CPM: variants seen among roughly 807,000 people sequenced by gnomAD.
CPM encodes the protein renal carboxypeptidase.
Under a neutral mutation model 46.4 loss-of-function variants are expected in CPM, and 35 were observed. The ratio of observed to expected loss-of-function variants is 0.75; its 90% CI spans 0.58 to 1.00. The LOEUF (loss-of-function observed/expected upper bound fraction) is 1.00, where lower values mean the gene tolerates loss of function less well. Among genes scored for constraint, CPM ranks in the 50% least tolerant of loss-of-function variants. The pLI is 0.00. For missense variants in CPM, 422 were observed against 530.4 expected (o/e 0.80, Z 2.01); for synonymous variants, 195 against 195.3 (o/e 1.00, Z 0.01).
chr12:68,943,618 A>G (rs993671664), intron 1 of CPM, among the ~76,000 whole-genome samples: 7 of 152,200 alleles, frequency 4.6e-5, no homozygotes, highest in Middle Eastern at 3.2e-3. Context: ...AGTGCAAAAT[A>G]ATGCTTACTT....
At position 68,856,763 on chromosome 12, in the gene CPM, A is replaced by C. The variant is rs558411651; in HGVS notation, c.1090-84T>G. The C allele has an allele frequency of 4.3e-5, 66 of 1,530,980 alleles. No individual in the cohort carries two copies. The Middle Eastern group carries it at 8.8e-4, about 20-fold the overall frequency. The allele number at this position is 1,530,980 out of a possible 1,614,324, so 94.8% of individuals were successfully genotyped here. The stretch of plus-strand genomic sequence containing the variant: ...CTGAAAACACTGATATCCATCACTA[A>C]AATGCAGCCTTTGTGCAATGCATGT... On this transcript the variant is annotated intron_variant, in intron 8 of 8. Coordinates refer to ENST00000551568, the MANE Select transcript of CPM (RefSeq NM_198320.5).
At chr12:68,859,282 G>C (rs544745701) in intron 7 of CPM, among the ~76,000 whole-genome samples, 3 of 152,078 alleles carry the variant, frequency 2.0e-5, no homozygotes, top group Admixed American at 1.3e-4. Flanking sequence ...AAATTTGTTC[G>C]TTGTTGAATA....
chr12:68,940,069 TTTC>T (rs1306767593), intron 1 of CPM, among the ~76,000 whole-genome samples: 1 of 151,774 alleles, frequency 6.6e-6, no homozygotes, highest in Non-Finnish European at 1.5e-5. Flanking sequence ...TAATTTATAT[TTTC>T]TTCTATTTTT....
At chr12:68,905,534 C>A (rs186321268) in intron 2 of CPM, among the ~76,000 whole-genome samples, 3 of 152,156 alleles carry the variant, frequency 2.0e-5, no homozygotes, top group Admixed American at 2.0e-4. Flanking sequence ...ACTCGCCTCA[C>A]CCTCCCAAAA....
chr12:68,864,498 T>C (rs1190423661), intron 7 of CPM, among the ~76,000 whole-genome samples: 1 of 152,176 alleles, frequency 6.6e-6, no homozygotes, highest in African/African-American at 2.4e-5. Flanking sequence ...TTCCAAATTA[T>C]TAAAAATAAT....
chr12:68,875,736 T>A (rs942647492), intron 3 of CPM, among the ~76,000 whole-genome samples: 2 of 149,576 alleles, frequency 1.3e-5, no homozygotes, highest in Non-Finnish European at 3.0e-5. Flanking sequence ...AACCTGGGAG[T>A]TGGAGGTTGC....
chr12:68,881,175 C>G (rs1012105194), intron 3 of CPM, among the ~76,000 whole-genome samples: 1 of 152,184 alleles, frequency 6.6e-6, no homozygotes, highest in African/African-American at 2.4e-5. Context: ...ATCGTCACAA[C>G]TCCTAAGATG....
intron 2 of CPM, among the ~76,000 whole-genome samples, chr12:68,887,922 G>T (rs138322726): frequency 1.6e-3 from 250 of 152,320 alleles, no homozygotes; most frequent in Middle Eastern, 6.8e-3. Flanking sequence ...TACATGTGGT[G>T]ATTCCCCATC....
At chr12:68,850,825 C>A (rs1884634718), downstream of CPM, 1 of 152,152 alleles carries the variant, frequency 6.6e-6, no homozygotes, top group Non-Finnish European at 1.5e-5. Context: ...TTCTTTTCTG[C>A]ATTTCTCAGA....
intron 1 of CPM, among the ~76,000 whole-genome samples, chr12:68,940,249 C>A (rs1463270383): frequency 6.6e-6 from 1 of 152,042 alleles, no homozygotes; most frequent in Non-Finnish European, 1.5e-5. Flanking sequence ...TTATTATTAA[C>A]ATCTTGGCGT....
At chr12:68,865,269 A>T (rs1049221224) in intron 7 of CPM, among the ~76,000 whole-genome samples, 1 of 152,214 alleles carries the variant, frequency 6.6e-6, no homozygotes, top group Admixed American at 6.5e-5. Flanking sequence ...ATATTTCATA[A>T]CATCCCCTAT....
At chr12:68,872,309 T>G (rs11830962) in intron 3 of CPM, among the ~76,000 whole-genome samples, 16,400 of 144,098 alleles carry the variant, frequency 0.11, 1,919 homozygotes, top group African/African-American at 0.3. Flanking sequence ...CTGGAGTGCA[T>G]TGGCGCGATC....
chr12:68,955,804 G>A (rs1889006815), intron 1 of CPM, among the ~76,000 whole-genome samples: 2 of 152,300 alleles, frequency 1.3e-5, no homozygotes, highest in Non-Finnish European at 2.9e-5. Flanking sequence ...GTCTGGCTGA[G>A]TCTGGGGTTT....
At chr12:68,918,888 C>T (rs1326734488) in intron 2 of CPM, among the ~76,000 whole-genome samples, 6 of 152,180 alleles carry the variant, frequency 3.9e-5, no homozygotes, top group Non-Finnish European at 8.8e-5. Context: ...TCTTAAAACC[C>T]TTCAATGGTT....
chr12:68,929,184 G>A (rs1888400583), intron 2 of CPM, among the ~76,000 whole-genome samples: 1 of 152,050 alleles, frequency 6.6e-6, no homozygotes, highest in South Asian at 2.1e-4. Context: ...GGTGTGTGTG[G>A]AGAGACTACC....
chr12:68,938,474 G>A (rs112401712), intron 1 of CPM, among the ~76,000 whole-genome samples: 3,585 of 151,998 alleles, frequency 0.024, 68 homozygotes, highest in South Asian at 0.052. Flanking sequence ...GCGCCCTAAT[G>A]TGGCACATTT....
upstream of CPM, among the ~76,000 whole-genome samples, chr12:68,935,624 GTCTT>G (rs1888661771): frequency 6.6e-6 from 1 of 150,904 alleles, no homozygotes; most frequent in Non-Finnish European, 1.5e-5. Context: ...ACATTGTAGA[GTCTT>G]TGAGTAGGTT....
chr12:68,879,315 G>C (rs1179943632), intron 3 of CPM, among the ~76,000 whole-genome samples: 2 of 152,222 alleles, frequency 1.3e-5, no homozygotes, highest in Non-Finnish European at 2.9e-5. Flanking sequence ...CCCAGGCTCT[G>C]ACCTATGATA....
intron 1 of CPM, among the ~76,000 whole-genome samples, chr12:68,955,129 CT>C (rs1460268347): frequency 6.6e-6 from 1 of 152,176 alleles, no homozygotes; most frequent in Non-Finnish European, 1.5e-5. Context: ...GCACAGCCTG[CT>C]GGGCCGAGTG....
Sources: allele counts gnomAD v4.1 joint callset (sites outside exome capture counted in the v4.1 genomes callset), GRCh38; gene constraint gnomAD v4.1.1; transcripts MANE v1.5; gene names NCBI Gene and HGNC (gene_info 2026-07-23, HGNC 2026-07-21).